Variants in PLB1 observed in about 807,000 individuals in gnomAD.
PLB1 encodes phospholipase B1.
In PLB1, 242 loss-of-function variants were observed where a neutral mutation model predicts 227.4. That is an observed-to-expected ratio of 1.06 (90% confidence interval 0.96 to 1.18). The LOEUF (loss-of-function observed/expected upper bound fraction) is 1.18. Ranked by LOEUF, PLB1 falls within the 50% of genes most tolerant of loss-of-function variation. PLB1 has a pLI of 0.00. For synonymous variants in PLB1, 757 were observed against 682.2 expected (o/e 1.11, Z -1.71); for missense variants, 1,858 against 1,816.3 (o/e 1.02, Z -0.42).
intron 14 of PLB1, among the ~76,000 whole-genome samples, chr2:28,544,598 A>G (rs1171914944): frequency 6.6e-6 from 1 of 152,236 alleles, no homozygotes; most frequent in Non-Finnish European, 1.5e-5. Context: ...GAAGGGCCAG[A>G]CAGCCCAGAG....
intron 49 of PLB1, among the ~76,000 whole-genome samples, chr2:28,622,372 C>T (rs1687158955): frequency 6.6e-6 from 1 of 152,128 alleles, no homozygotes; most frequent in Non-Finnish European, 1.5e-5. Flanking sequence ...AATAGTACTT[C>T]TCAGGGTTGT....
At chr2:28,576,843 G>A (rs917783596) in intron 21 of PLB1, among the ~76,000 whole-genome samples, 1 of 152,150 alleles carries the variant, frequency 6.6e-6, no homozygotes, top group African/African-American at 2.4e-5. Context: ...CCTCAAAAAG[G>A]TTAAGTGACT....
chr2:28,557,879 G>C (rs545604828), intron 17 of PLB1, among the ~76,000 whole-genome samples: 3 of 152,074 alleles, frequency 2.0e-5, no homozygotes, highest in Admixed American at 2.0e-4. Context: ...CAAGGTCTAC[G>C]GAAAATTAGG....
chr2:28,603,387 G>A (rs1411419822), intron 39 of PLB1, among the ~76,000 whole-genome samples: 3 of 152,342 alleles, frequency 2.0e-5, no homozygotes, highest in East Asian at 3.9e-4. Context: ...ACATGGATGT[G>A]TGTTTTATTA....
intron 3 of PLB1, 149 bp from the exon 4 acceptor site, chr2:28,519,556 T>C: frequency 1.6e-6 from 1 of 614,570 alleles, no homozygotes; most frequent in South Asian, 2.0e-5. Flanking sequence ...TGCCTGGTCT[T>C]TGGCATTCCA....
chr2:28,639,595 G>A (rs1469531267), intron 56 of PLB1, among the ~76,000 whole-genome samples: 5 of 152,178 alleles, frequency 3.3e-5, no homozygotes, highest in Non-Finnish European at 5.9e-5. Context: ...GTGTACTGAC[G>A]AGAAGGAACC....
intron 29 of PLB1, 137 bp from the exon 30 acceptor site, chr2:28,590,996 A>G: frequency 9.6e-7 from 1 of 1,043,806 alleles, no homozygotes; most frequent in Middle Eastern, 2.0e-4. Flanking sequence ...GGAGGGAGTC[A>G]GCCTGGTAGA....
At chr2:28,600,110 A>G (rs1683632084) in intron 35 of PLB1, among the ~76,000 whole-genome samples, 1 of 150,396 alleles carries the variant, frequency 6.6e-6, no homozygotes, top group South Asian at 2.1e-4. Flanking sequence ...GGGTTTTACC[A>G]TGTTGCCCAG....
At chr2:28,523,147 A>G (rs1669746274) in intron 4 of PLB1, among the ~76,000 whole-genome samples, 2 of 152,162 alleles carry the variant, frequency 1.3e-5, no homozygotes, top group African/African-American at 2.4e-5. Context: ...CATGTTCAAT[A>G]TAAGAAAAAA....
intron 9 of PLB1, among the ~76,000 whole-genome samples, chr2:28,536,593 AATTT>A (rs1354998567): frequency 1.3e-5 from 2 of 152,186 alleles, no homozygotes; most frequent in African/African-American, 4.8e-5. Flanking sequence ...CCAATAAAAT[AATTT>A]ATTAGAAAGA....
At chr2:28,616,784 A>G (rs964953481) in intron 44 of PLB1, among the ~76,000 whole-genome samples, 1 of 152,206 alleles carries the variant, frequency 6.6e-6, no homozygotes. Context: ...GAAAAAACCA[A>G]ATTCCATAGG....
chr2:28,623,602 C>T (rs1687336882), intron 49 of PLB1, among the ~76,000 whole-genome samples: 3 of 152,096 alleles, frequency 2.0e-5, no homozygotes, highest in African/African-American at 7.2e-5. Context: ...GGGATGGTAC[C>T]ATGTGTGTTT....
rs144349565 is a variant in PLB1 at position 28,540,373 on chromosome 2, C to A, written c.706C>A (p.Pro236Thr). ...QYHGTWLSPA[P>T]EPCNCSEETT... ...GTGTGTTTTAACCTGCAGCCCTGCACCAGAGCCCTGTAATTGCTCAGAGGA... is the reference window on the plus strand; with the variant it reads ...GTGTGTTTTAACCTGCAGCCCTGCAACAGAGCCCTGTAATTGCTCAGAGGA... The change falls in exon 12 of 58, where the codon CCA (proline) becomes ACA (threonine). Residue 236 changes from proline to threonine, a missense_variant. By Grantham distance (38) the Pro-to-Thr change is conservative. Coordinates refer to ENST00000327757, the MANE Select transcript of PLB1 (RefSeq NM_153021.5). 4.2e-4 allele frequency: 674 copies of A among 1,613,916 alleles called. No homozygotes were observed. Among genetic ancestry groups the A allele is most frequent in the Non-Finnish European group, 5.5e-4 (653 of 1,179,970 alleles).
At chr2:28,548,748 C>A in intron 14 of PLB1, 112 bp from the exon 15 acceptor site, 1 of 1,009,240 alleles carries the variant, frequency 9.9e-7, no homozygotes, top group Non-Finnish European at 1.5e-6. Context: ...ACGTGCATTT[C>A]TAATGCGTTC....
At chr2:28,542,962 G>A (rs1672715404) in intron 13 of PLB1, among the ~76,000 whole-genome samples, 2 of 152,140 alleles carry the variant, frequency 1.3e-5, no homozygotes, top group Admixed American at 6.5e-5. Flanking sequence ...GTTTAGTTCA[G>A]TGACAGAGAA....
In PLB1 at chr2:28,589,629, A is replaced by G. The variant is rs368874985; in HGVS notation, c.1921-46A>G. On this transcript the variant is annotated intron_variant, in intron 27 of 57. Transcript: ENST00000327757. ...GCTGTTTCTGAGTGTCACTTATATG[A>G]TCCAGTGTGTCTATAACTGCCTCTC... 2.7e-5 allele frequency: 43 copies of G among 1,606,302 alleles called. No homozygotes were observed. In the African/African-American group the frequency reaches 4.1e-4, roughly 16 times the overall value.
intron 6 of PLB1, among the ~76,000 whole-genome samples, chr2:28,527,205 T>G (rs1057153003): frequency 6.6e-6 from 1 of 152,222 alleles, no homozygotes; most frequent in Non-Finnish European, 1.5e-5. Context: ...CCTCCCAATT[T>G]GCCCTGTTAC....
At chr2:28,555,357 G>T (rs1674910677) in intron 17 of PLB1, among the ~76,000 whole-genome samples, 1 of 152,040 alleles carries the variant, frequency 6.6e-6, no homozygotes, top group African/African-American at 2.4e-5. Flanking sequence ...GGCCAGGCTG[G>T]TCTTGAACTC....
intron 4 of PLB1, 66 bp from the exon 5 acceptor site, chr2:28,525,201 C>T (rs891122369): frequency 2.6e-5 from 39 of 1,473,182 alleles, no homozygotes; most frequent in Middle Eastern, 2.3e-4. Context: ...AGGCAGCTTG[C>T]GGTCTAACTA....
Sources: allele counts gnomAD v4.1 joint callset (sites outside exome capture counted in the v4.1 genomes callset), GRCh38; gene constraint gnomAD v4.1.1; transcripts MANE v1.5; gene names NCBI Gene and HGNC (gene_info 2026-07-23, HGNC 2026-07-21).